The following VEGFB variants were observed in gnomAD, a reference collection of about 807,000 sequenced individuals.
VEGFB encodes vascular endothelial growth factor B.
VEGFB carries 24 observed loss-of-function variants against 22.5 expected under a neutral mutation model. The ratio of observed to expected loss-of-function variants is 1.07; its 90% CI spans 0.77 to 1.50. The LOEUF is 1.50. Ranked by LOEUF, VEGFB falls within the 40% of genes most tolerant of loss-of-function variation. VEGFB has a pLI of 0.00. For synonymous variants in VEGFB, 141 were observed against 117.4 expected, an observed-to-expected ratio of 1.20 and a Z score of -1.30; for missense variants, 327 against 287.8, an observed-to-expected ratio of 1.14 and a Z score of -0.99.
intron 5 of VEGFB, 61 bp from the exon 6 acceptor site, chr11:64,237,359 G>T: frequency 1.3e-6 from 2 of 1,519,896 alleles, no homozygotes; most frequent in Non-Finnish European, 1.8e-6. Context: ...TCTCTGCCCC[G>T]ACCCCAGCTC....
In VEGFB at chr11:64,239,197, C is replaced by T. The variant is rs1033509880; in HGVS notation, c.*864C>T. 2.6e-5 allele frequency among the ~76,000 whole-genome samples: 4 copies of T among 152,172 alleles called. No homozygotes were observed. Among genetic ancestry groups the T allele is most frequent in the African/African-American group, 7.2e-5 (3 of 41,442 alleles). ...AGAAGATTGCTGTGGTTGGCGTCCT[C>T]GGGCCCCAGAGAAGTTTGAGACTAT... is the stretch of plus-strand genomic sequence containing the variant. On this transcript the variant is annotated 3_prime_UTR_variant, in exon 7 of 7. Transcript: ENST00000309422.
chr11:64,237,342 C>G (rs574839717), intron 5 of VEGFB, 78 bp from the exon 6 acceptor site: 2 of 1,513,882 alleles, frequency 1.3e-6, no homozygotes, highest in African/African-American at 2.7e-5. Flanking sequence ...GCTCCCCAAG[C>G]CTGTGTTCTC....
chr11:64,237,581 C>G lies in VEGFB; in HGVS notation c.572C>G (p.Ala191Gly). The G allele has an allele frequency of 6.3e-7, 1 of 1,593,466 alleles. No homozygotes were observed. Residue 191 changes from alanine (A) to glycine (G), a missense_variant, in exon 6 of 7, where the codon GCC becomes GGC. By Grantham distance (60) the Ala-to-Gly change is moderately conservative (BLOSUM62 0). Transcript: ENST00000309422. Reference sequence around the variant, plus strand: ...ACCAGCGCCCTGACCCCCGGACCTGCCGCTGCCGCTGCCGACGCCGCAGCT... The same window carrying G: ...ACCAGCGCCCTGACCCCCGGACCTGGCGCTGCCGCTGCCGACGCCGCAGCT... ...STTSALTPGPAAAAADAAASS... is the reference protein window; with the variant it reads ...STTSALTPGPGAAAADAAASS...
chr11:64,236,372 G>C (rs752965347), intron 4 of VEGFB, 45 bp downstream of exon 4: 2 of 1,584,186 alleles, frequency 1.3e-6, no homozygotes, highest in African/African-American at 2.7e-5. Flanking sequence ...GCCAGGCTTG[G>C]GGGGTGCTGG....
intron 1 of VEGFB, among the ~76,000 whole-genome samples, chr11:64,235,106 C>T (rs1947233161): frequency 6.6e-6 from 1 of 152,132 alleles, no homozygotes; most frequent in African/African-American, 2.4e-5. Flanking sequence ...TCCGCCCCAC[C>T]CCGTCCCCTG....
In VEGFB at chr11:64,234,860, G is replaced by A; in HGVS notation, c.27G>A (p.Leu9=). 1.5e-6 allele frequency: 2 copies of A among 1,292,750 alleles called. No homozygotes were observed. Among genetic ancestry groups the A allele is most frequent in the South Asian group, 2.2e-5 (1 of 44,518 alleles). The allele number at this position is 1,292,750 out of a possible 1,614,324, so 80.1% of individuals were successfully genotyped here. A position where few individuals can be genotyped will look rare whatever the true frequency, so the allele number is the denominator to read the frequency against. Residue 9 remains leucine (L), a synonymous_variant, in exon 1 of 7, where the codon CTG becomes CTA. Transcript: ENST00000309422. This position sits in a 1 kb window ranked among gnomAD's most constrained non-coding sequence, Gnocchi z 5.3. The part of the protein sequence containing the change: MSPLLRRL[L]LAALLQLAPA... ...TGAGCCCTCTGCTCCGCCGCCTGCT[G>A]CTCGCCGCACTCCTGCAGCTGGCCC...
chr11:64,236,845 C>G lies in VEGFB; in HGVS notation c.375-342C>G, dbSNP rs558597304. Among the ~76,000 whole-genome samples, 19 of 149,190 alleles carry G rather than the reference C, an allele frequency of 1.3e-4. 1 individual carries two copies. In the South Asian group the frequency reaches 2.2e-3, roughly 17 times the overall value. ...TATAATCCCAGCACTTTGGGAGGCC[C>G]AGGCAGGCAGATCACCTGAGGTAAG... On this transcript the variant is annotated intron_variant, in intron 4 of 6. Coordinates refer to ENST00000309422, the MANE Select transcript of VEGFB (RefSeq NM_003377.5).
Position 64,238,397 on chromosome 11 carries a change from A to G in VEGFB, c.*64A>G. The G allele has an allele frequency of 6.5e-7, 1 of 1,536,132 alleles. No homozygotes were observed. ...AGGTGACACATGGCTTTTCAGACTC[A>G]GCAGGGTGACTTGCCTCAGAGGCTA... is the stretch of plus-strand genomic sequence containing the variant. On this transcript the variant is annotated 3_prime_UTR_variant, in exon 7 of 7. Transcript: ENST00000309422.
At chr11:64,237,097 GA>G (rs2030124174) in intron 4 of VEGFB, 89 bp from the exon 5 acceptor site, 3 of 289,648 alleles carry the variant, frequency 1.0e-5, no homozygotes, top group East Asian at 6.8e-5. Context: ...GAGAGAGAGA[GA>G]GAGAGAGAGA....
rs1032283052 is a variant in VEGFB, at chr11:64,237,233, T to G, written c.410+11T>G. Reference sequence around the variant, plus strand: ...TGTGAAGCCAGACAGGTGAGTCTTTTGGACTCCAGCTGAGTAGGGGTATGG... The same window carrying G: ...TGTGAAGCCAGACAGGTGAGTCTTTGGGACTCCAGCTGAGTAGGGGTATGG... On this transcript the variant is annotated intron_variant, in intron 5 of 6. Transcript: ENST00000309422. 2.5e-6 allele frequency: 4 copies of G among 1,608,568 alleles called. No individual in the cohort carries two copies. The African/African-American group carries it at 5.3e-5, about 22-fold the overall frequency.
intron 4 of VEGFB, among the ~76,000 whole-genome samples, chr11:64,236,885 C>G (rs1007750454): frequency 6.7e-6 from 1 of 148,796 alleles, no homozygotes; most frequent in African/African-American, 2.5e-5. Context: ...TTGAGACCAG[C>G]CTGGCCAACA....
chr11:64,237,044 C>T (rs999113861), intron 4 of VEGFB, 143 bp from the exon 5 acceptor site: 14 of 672,894 alleles, frequency 2.1e-5, no homozygotes, highest in African/African-American at 5.4e-5. Flanking sequence ...GACCACGCCA[C>T]TGCACTCCAG....
At chr11:64,235,768 G>A in intron 2 of VEGFB, 45 bp from the exon 3 acceptor site, 1 of 1,607,194 alleles carries the variant, frequency 6.2e-7, no homozygotes, top group Non-Finnish European at 8.5e-7. Context: ...GGGAGCAGCT[G>A]CAGGAAAACC....
intron 4 of VEGFB, 98 bp from the exon 5 acceptor site, chr11:64,237,089 G>GAT: frequency 2.3e-5 from 1 of 43,688 alleles, no homozygotes; most frequent in African/African-American, 7.3e-5. Flanking sequence ...GTCTCAAAGA[G>GAT]AGAGAGAGAG....
intron 2 of VEGFB, 115 bp from the exon 3 acceptor site, chr11:64,235,698 C>A: frequency 7.4e-7 from 1 of 1,344,058 alleles, no homozygotes; most frequent in Non-Finnish European, 1.0e-6. Context: ...GTTGTGAGGG[C>A]AGAGTGGGGA....
rs2030259632 is a variant in VEGFB, at chr11:64,238,485, C to T, written c.*152C>T. ...ACAGCCAAGCCCCCAAGACCTCAGCCCAGGCAGAAGCTGCTCTAGGACCTG... is the reference window on the plus strand; with the variant it reads ...ACAGCCAAGCCCCCAAGACCTCAGCTCAGGCAGAAGCTGCTCTAGGACCTG... On this transcript the variant is annotated 3_prime_UTR_variant, in exon 7 of 7. Transcript: ENST00000309422. 7.0e-7 allele frequency: 1 copy of T among 1,421,510 alleles called. No individual in the cohort carries two copies. Among genetic ancestry groups the T allele is most frequent in the South Asian group, 1.2e-5 (1 of 81,260 alleles). 88.1% of individuals were successfully genotyped at this position (1,421,510 alleles called of 1,614,324 possible).
rs570624777 is a variant in VEGFB at position 64,237,527 on chromosome 11, G to A, written c.518G>A (p.Gly173Asp). The change falls in exon 6 of 7, where the codon GGC becomes GAC. Residue 173 changes from glycine to aspartate, a missense_variant. Physicochemically the swap from Gly to Asp is moderately conservative, Grantham distance 94. Transcript: ENST00000309422. ...ADITHPTPAP[G>D]PSAHAAPSTT... Reference sequence around the variant, plus strand: ...ATCACCCATCCCACTCCAGCCCCAGGCCCCTCTGCCCACGCTGCACCCAGC... The same window carrying A: ...ATCACCCATCCCACTCCAGCCCCAGACCCCTCTGCCCACGCTGCACCCAGC... 7 of 1,610,590 alleles carry A rather than the reference G, an allele frequency of 4.3e-6. No homozygotes were observed. The East Asian group carries it at 1.3e-4, about 31-fold the overall frequency.
rs554631276 is a variant in VEGFB, at chr11:64,235,312, G to C, written c.61-146G>C. 388 of 777,986 alleles carry C rather than the reference G, an allele frequency of 5.0e-4. 2 individuals carry two copies. Among genetic ancestry groups the C allele is most frequent in the South Asian group, 3.1e-3 (186 of 59,452 alleles). The allele number at this position is 777,986 out of a possible 1,614,324, so 48.2% of individuals were successfully genotyped here. On this transcript the variant is annotated intron_variant, in intron 1 of 6. Transcript: ENST00000309422. ...GGCCAGGAGAGGACAGGTAAAGCTA[G>C]AGCAGTGGCCGCAGGAACAGAGCAA...
At chr11:64,236,225 T>TC (rs772297541) in intron 3 of VEGFB, 29 bp from the exon 4 acceptor site, 1 of 1,611,616 alleles carries the variant, frequency 6.2e-7, no homozygotes, top group Non-Finnish European at 8.5e-7. Flanking sequence ...TCTCCCTCAC[T>TC]GTCCCCCCTG....
Sources: allele counts gnomAD v4.1 joint callset (sites outside exome capture counted in the v4.1 genomes callset), GRCh38; gene constraint gnomAD v4.1.1; non-coding constraint Gnocchi (gnomAD v3.1); transcripts MANE v1.5; gene names NCBI Gene and HGNC (gene_info 2026-07-23, HGNC 2026-07-21).